Variants in DENND2B observed in about 807,000 individuals in gnomAD.
DENND2B encodes the protein DENN domain containing 2B.
DENND2B carries 32 observed loss-of-function variants against 116.0 expected under a neutral mutation model. That is an observed-to-expected ratio of 0.28 (90% CI 0.21 to 0.37). The LOEUF (loss-of-function observed/expected upper bound fraction) is 0.37. DENND2B is among the 10% of genes least tolerant of loss of function. The pLI is 1.00. For synonymous variants in DENND2B, 588 were observed against 583.9 expected (o/e 1.01, Z -0.10); for missense variants, 1,276 against 1,477.7 (o/e 0.86, Z 2.24).
At chr11:8,819,738 G>C (rs1224337737) in intron 4 of DENND2B, among the ~76,000 whole-genome samples, 1 of 152,216 alleles carries the variant, frequency 6.6e-6, no homozygotes, top group Non-Finnish European at 1.5e-5. Context: ...GGTCATGAAA[G>C]ACAAGGACAG....
In DENND2B at chr11:8,725,371, A is replaced by ATTT. The variant is rs1565735250; in HGVS notation, c.1477+701_1477+702insAAA. ...AATTCTAACAATAACCTTATGAAAT[A>ATTT]TTACTTTTTTTTTTTTTTTTGAGAC... On this transcript the variant is annotated intron_variant, in intron 4 of 19. Coordinates refer to ENST00000313726, the MANE Select transcript of DENND2B (RefSeq NM_213618.2). Among the ~76,000 whole-genome samples, 7 of 145,898 alleles carry ATTT rather than the reference A, an allele frequency of 4.8e-5. 3 individuals carry two copies. Among genetic ancestry groups the ATTT allele is most frequent in the Admixed American group, 2.0e-4 (3 of 14,672 alleles).
At chr11:8,851,112 A>C (rs1156855891) in intron 3 of DENND2B, among the ~76,000 whole-genome samples, 1 of 152,184 alleles carries the variant, frequency 6.6e-6, no homozygotes. Context: ...GATCTACTGC[A>C]CATCATGGCA....
At chr11:8,803,994 T>C (rs1231133664) in intron 1 of DENND2B, among the ~76,000 whole-genome samples, 1 of 152,198 alleles carries the variant, frequency 6.6e-6, no homozygotes, top group African/African-American at 2.4e-5. Flanking sequence ...CCACCTAGGC[T>C]GGCCAGCAGG....
intron 6 of DENND2B, among the ~76,000 whole-genome samples, chr11:8,715,165 C>T (rs1271772070): frequency 3.9e-5 from 6 of 152,116 alleles, no homozygotes; most frequent in Admixed American, 1.3e-4. Context: ...TTAAAAATAC[C>T]ATCTGGCTAA....
At chr11:8,888,349 T>C (rs1351022422) in intron 1 of DENND2B, among the ~76,000 whole-genome samples, 1 of 152,182 alleles carries the variant, frequency 6.6e-6, no homozygotes, top group Non-Finnish European at 1.5e-5. Flanking sequence ...ATCATAGATG[T>C]GCAGAGAAAG....
At chr11:8,892,610 T>C (rs2064048128) in intron 1 of DENND2B, among the ~76,000 whole-genome samples, 1 of 152,146 alleles carries the variant, frequency 6.6e-6, no homozygotes, top group Non-Finnish European at 1.5e-5. Context: ...CAGAGAATAC[T>C]ATAAACACCT....
At chr11:8,758,834 G>A (rs2054075087) in intron 1 of DENND2B, among the ~76,000 whole-genome samples, 1 of 152,190 alleles carries the variant, frequency 6.6e-6, no homozygotes. Context: ...GCAGGTAAGT[G>A]TCGCAGCTCT....
At chr11:8,694,360 T>C (rs534456262) in intron 19 of DENND2B, among the ~76,000 whole-genome samples, 9 of 152,340 alleles carry the variant, frequency 5.9e-5, no homozygotes, top group African/African-American at 2.2e-4. Context: ...TTGGTCTCAA[T>C]TTCTCTTTAA....
intron 1 of DENND2B, among the ~76,000 whole-genome samples, chr11:8,794,019 C>A (rs1248959909): frequency 2.0e-5 from 3 of 152,038 alleles, no homozygotes; most frequent in Non-Finnish European, 4.4e-5. Context: ...CAGTGCTACC[C>A]AACTGTTAAC....
chr11:8,905,448 CAT>C (rs1738966363), intron 1 of DENND2B, among the ~76,000 whole-genome samples: 2 of 151,892 alleles, frequency 1.3e-5, no homozygotes, highest in African/African-American at 4.8e-5. Flanking sequence ...TAGGAGGAAA[CAT>C]AGAAAAAATC....
intron 2 of DENND2B, among the ~76,000 whole-genome samples, chr11:8,880,349 GTGTGTGTGTGT>G (rs1594334181): frequency 1.1e-4 from 17 of 149,990 alleles, no homozygotes; most frequent in Middle Eastern, 3.4e-3. Context: ...TTTGAACTGT[GTGTGTGTGTGT>G]GTGTGTGTGT....
intron 2 of DENND2B, among the ~76,000 whole-genome samples, chr11:8,878,072 C>G (rs1244923401): frequency 1.3e-5 from 2 of 152,060 alleles, no homozygotes; most frequent in Non-Finnish European, 1.5e-5. Context: ...CTATTTCAGT[C>G]ATTAGAAAAG....
chr11:8,807,466 G>A (rs1350069146), intron 1 of DENND2B, among the ~76,000 whole-genome samples: 2 of 152,280 alleles, frequency 1.3e-5, no homozygotes, highest in African/African-American at 2.4e-5. Flanking sequence ...TGTACACCCC[G>A]CCCTTCATTC....
chr11:8,750,503 C>T lies in DENND2B; in HGVS notation c.80+118G>A, dbSNP rs2052170603. On this transcript the variant is annotated intron_variant, in intron 2 of 19. Transcript: ENST00000313726. ...CTGCCTAATGGTCAGCATGAGCTGG[C>T]CTAGACCAGTCACCTGGATGACTGT... 3.5e-6 allele frequency: 3 copies of T among 854,120 alleles called. No homozygotes were observed. The South Asian group carries it at 4.5e-5, about 13-fold the overall frequency. 52.9% of individuals were successfully genotyped at this position (854,120 alleles called of 1,614,324 possible).
upstream of DENND2B, among the ~76,000 whole-genome samples, chr11:8,875,913 A>C (rs894099241): frequency 5.9e-5 from 9 of 152,196 alleles, no homozygotes; most frequent in African/African-American, 1.9e-4. Context: ...GAGTCCCCAT[A>C]CAGCATTCTG....
intron 2 of DENND2B, among the ~76,000 whole-genome samples, chr11:8,737,669 TTCTTTC>T (rs912128221): frequency 2.4e-4 from 31 of 126,888 alleles, no homozygotes; most frequent in African/African-American, 3.1e-4. Context: ...CTCTTTTTCT[TTCTTTC>T]TCTTTCTCTC....
chr11:8,706,748 C>T (rs1029541606), intron 13 of DENND2B, among the ~76,000 whole-genome samples: 1 of 152,178 alleles, frequency 6.6e-6, no homozygotes, highest in Non-Finnish European at 1.5e-5. Context: ...GACAGAGCCA[C>T]GTCCCTCTAC....
At chr11:8,767,386 G>A (rs1380484793) in intron 1 of DENND2B, among the ~76,000 whole-genome samples, 1 of 151,662 alleles carries the variant, frequency 6.6e-6, no homozygotes, top group Non-Finnish European at 1.5e-5. Flanking sequence ...GGTCCCCCAA[G>A]GAGACCTCAG....
intron 1 of DENND2B, among the ~76,000 whole-genome samples, chr11:8,772,304 C>T (rs1363089240): frequency 6.6e-6 from 1 of 152,022 alleles, no homozygotes; most frequent in Non-Finnish European, 1.5e-5. Flanking sequence ...AGCAAATTAC[C>T]AAACCTGAGG....
Sources: allele counts gnomAD v4.1 joint callset (sites outside exome capture counted in the v4.1 genomes callset), GRCh38; gene constraint gnomAD v4.1.1; transcripts MANE v1.5; gene names NCBI Gene and HGNC (gene_info 2026-07-23, HGNC 2026-07-21).